The following CLEC16A variants were observed in gnomAD, a reference collection of about 807,000 sequenced individuals.
CLEC16A encodes C-type lectin domain containing 16A.
Under a neutral mutation model 109.5 loss-of-function variants are expected in CLEC16A, and 51 were observed. That is an observed-to-expected ratio of 0.47 (90% CI 0.37 to 0.59). The LOEUF (loss-of-function observed/expected upper bound fraction) is 0.59, where lower values mean the gene tolerates loss of function less well. Ranked by LOEUF, CLEC16A falls within the 20% of genes least tolerant of loss-of-function variation. The pLI, the probability that CLEC16A is intolerant of heterozygous loss-of-function variation, is 0.00. For missense variants in CLEC16A, 1,339 were observed against 1,394.0 expected (o/e 0.96, Z 0.63); for synonymous variants, 673 against 564.2 (o/e 1.19, Z -2.73).
intron 2 of CLEC16A, among the ~76,000 whole-genome samples, chr16:10,960,143 G>T (rs181193911): frequency 1.3e-5 from 2 of 152,336 alleles, no homozygotes. Context: ...CATTACTGGG[G>T]TGAATTGGGC....
chr16:10,958,013 A>C, intron 2 of CLEC16A, 103 bp downstream of exon 2: 2 of 1,184,604 alleles, frequency 1.7e-6, no homozygotes, highest in Non-Finnish European at 2.4e-6. Context: ...TTTGACGCTA[A>C]TTTGATCTTG....
chr16:11,165,230 C>T (rs561655281), intron 22 of CLEC16A, among the ~76,000 whole-genome samples: 1 of 152,180 alleles, frequency 6.6e-6, no homozygotes, highest in South Asian at 2.1e-4. Flanking sequence ...GTGACACACA[C>T]CTGTAATCCC....
chr16:11,042,635 T>C (rs866396108), intron 15 of CLEC16A, among the ~76,000 whole-genome samples: 5 of 152,368 alleles, frequency 3.3e-5, no homozygotes, highest in Admixed American at 2.6e-4. Context: ...TCAGGATTTC[T>C]GAATTTTTTC....
intron 2 of CLEC16A, among the ~76,000 whole-genome samples, chr16:10,960,339 TG>T (rs2042196808): frequency 6.6e-6 from 1 of 152,258 alleles, no homozygotes; most frequent in African/African-American, 2.4e-5. Flanking sequence ...CCATTGTTTT[TG>T]CCACCCTGAA....
intron 18 of CLEC16A, among the ~76,000 whole-genome samples, chr16:11,057,670 C>A (rs1256411883): frequency 6.6e-6 from 1 of 152,218 alleles, no homozygotes; most frequent in East Asian, 1.9e-4. Context: ...ATGGAAGAAT[C>A]TGAAAGAATA....
At chr16:10,977,030 C>T (rs2043062911) in intron 7 of CLEC16A, among the ~76,000 whole-genome samples, 195 bp from the exon 8 acceptor site, 3 of 152,186 alleles carry the variant, frequency 2.0e-5, no homozygotes, top group Non-Finnish European at 4.4e-5. Flanking sequence ...CCCCAGCAGT[C>T]CCCTGAAATT....
Position 10,988,694 on chromosome 16 carries a change from T to G in CLEC16A, c.1071+5703T>G, listed in dbSNP as rs59491386. ...CACCTCCAGAGGCAGCCTTGTGGAGTGGGTGCTGTAACCAGTTTCCCTGGG... is the reference window on the plus strand; with the variant it reads ...CACCTCCAGAGGCAGCCTTGTGGAGGGGGTGCTGTAACCAGTTTCCCTGGG... On this transcript the variant is annotated intron_variant, in intron 10 of 23. Coordinates refer to ENST00000409790, the MANE Select transcript of CLEC16A (RefSeq NM_015226.3). Among the ~76,000 whole-genome samples, 948 of 152,008 alleles carry G rather than the reference T, an allele frequency of 6.2e-3. 4 individuals are homozygous for G. Among genetic ancestry groups the G allele is most frequent in the African/African-American group, 0.022 (912 of 41,408 alleles).
intron 14 of CLEC16A, chr16:11,040,273 G>C (rs2047251719): frequency 5.6e-6 from 1 of 179,444 alleles, no homozygotes; most frequent in Non-Finnish European, 1.2e-5. Context: ...GTAGACGTAG[G>C]AGACAGAGTT....
intron 23 of CLEC16A, among the ~76,000 whole-genome samples, chr16:11,177,477 G>A (rs1206053878): frequency 6.6e-6 from 1 of 152,116 alleles, no homozygotes; most frequent in African/African-American, 2.4e-5. Context: ...GCAGATGCCT[G>A]TAATCACAGC....
At chr16:11,038,005 A>G (rs2047118154) in intron 13 of CLEC16A, among the ~76,000 whole-genome samples, 1 of 152,126 alleles carries the variant, frequency 6.6e-6, no homozygotes, top group African/African-American at 2.4e-5. Context: ...TTTCACTGCA[A>G]TGAAATTTTT....
rs887201836 is a variant in CLEC16A at position 11,042,476 on chromosome 16, C to T, written c.1770+113C>T. ...CCTGGCCCGTGGTGTCATCGGTCACCAGCTAGAAGCAGCAGGGGCTGCTCT... is the reference window on the plus strand; with the variant it reads ...CCTGGCCCGTGGTGTCATCGGTCACTAGCTAGAAGCAGCAGGGGCTGCTCT... On this transcript the variant is annotated intron_variant, in intron 15 of 23. Transcript: ENST00000409790. The T allele has an allele frequency of 1.6e-5, 12 of 727,940 alleles. No individual in the cohort carries two copies. In the Admixed American group the frequency reaches 2.3e-4, roughly 14 times the overall value. The allele number at this position is 727,940 out of a possible 1,614,324, so 45.1% of individuals were successfully genotyped here. A position where few individuals can be genotyped will look rare whatever the true frequency, so the allele number is the denominator to read the frequency against.
At chr16:11,017,975 T>C (rs1443642477) in intron 11 of CLEC16A, among the ~76,000 whole-genome samples, 3 of 148,468 alleles carry the variant, frequency 2.0e-5, no homozygotes, top group Non-Finnish European at 4.4e-5. Context: ...TTAGTTTAGT[T>C]AATAACAATT....
chr16:11,011,002 C>A (rs894276153), intron 11 of CLEC16A, among the ~76,000 whole-genome samples: 1 of 152,216 alleles, frequency 6.6e-6, no homozygotes, highest in Non-Finnish European at 1.5e-5. Flanking sequence ...CAGGGTGTCA[C>A]ATCTGGAGGC....
chr16:10,968,736 A>G (rs1371506800), intron 3 of CLEC16A, among the ~76,000 whole-genome samples: 1 of 152,178 alleles, frequency 6.6e-6, no homozygotes, highest in Non-Finnish European at 1.5e-5. Context: ...TAAGGAGGAA[A>G]AAAACCCTAC....
At chr16:10,996,217 T>C (rs1009301200) in intron 10 of CLEC16A, among the ~76,000 whole-genome samples, 1 of 152,224 alleles carries the variant, frequency 6.6e-6, no homozygotes, top group African/African-American at 2.4e-5. Context: ...ATATCTCTTC[T>C]GAGGCTGTGA....
chr16:10,946,901 G>T (rs2041410778), intron 1 of CLEC16A, among the ~76,000 whole-genome samples: 2 of 152,324 alleles, frequency 1.3e-5, no homozygotes, highest in South Asian at 2.1e-4. Flanking sequence ...CCAGAGGCAG[G>T]ATTTGACTCC....
At chr16:11,115,581 C>G (rs1356036513) in intron 19 of CLEC16A, among the ~76,000 whole-genome samples, 1 of 152,184 alleles carries the variant, frequency 6.6e-6, no homozygotes, top group Non-Finnish European at 1.5e-5. Flanking sequence ...CCATGTTGCA[C>G]AGGCCGGTGT....
At chr16:10,990,537 C>G (rs2147042766) in intron 10 of CLEC16A, among the ~76,000 whole-genome samples, 1 of 152,284 alleles carries the variant, frequency 6.6e-6, no homozygotes, top group Non-Finnish European at 1.5e-5. Context: ...GGCCAGCTAG[C>G]CAGAGAAGGG....
chr16:11,122,064 A>T (rs1158024418), intron 20 of CLEC16A, among the ~76,000 whole-genome samples: 1 of 149,656 alleles, frequency 6.7e-6, no homozygotes, highest in South Asian at 2.2e-4. Flanking sequence ...CCCTACTTCA[A>T]GGCAGTCCAT....
Sources: gnomAD v4.1 joint callset for allele counts (sites outside exome capture counted in the v4.1 genomes callset) on GRCh38, gnomAD v4.1.1 for gene constraint, MANE v1.5 for transcripts, NCBI Gene and HGNC (gene_info 2026-07-23, HGNC 2026-07-21) for gene names.